MAN2A1: variants seen among roughly 807,000 people sequenced by gnomAD.
The protein encoded by MAN2A1 is alpha-mannosidase 2.
A neutral mutation model predicts 142.6 loss-of-function variants in MAN2A1; 76 were observed. That is an observed-to-expected ratio of 0.53 (90% confidence interval 0.44 to 0.65). The LOEUF (loss-of-function observed/expected upper bound fraction) is 0.65, where lower values mean the gene tolerates loss of function less well. Among genes scored for constraint, MAN2A1 ranks in the 30% least tolerant of loss-of-function variants. The pLI, the probability that MAN2A1 is intolerant of heterozygous loss-of-function variation, is 0.00. For synonymous variants in MAN2A1, 559 were observed against 473.2 expected (o/e 1.18, Z -2.35); for missense variants, 1,311 against 1,365.1 (o/e 0.96, Z 0.62).
intron 5 of MAN2A1, among the ~76,000 whole-genome samples, chr5:109,765,487 T>C (rs1197293104): frequency 1.3e-5 from 2 of 152,180 alleles, no homozygotes; most frequent in African/African-American, 4.8e-5. Context: ...GTCCTAGTAC[T>C]GGTAATACTG....
intron 3 of MAN2A1, among the ~76,000 whole-genome samples, chr5:109,721,508 A>G (rs1363736066): frequency 6.6e-6 from 1 of 152,148 alleles, no homozygotes; most frequent in Non-Finnish European, 1.5e-5. Context: ...GCATGCTTAT[A>G]CTAAACATTT....
chr5:109,747,340 T>G (rs530329003), intron 4 of MAN2A1, among the ~76,000 whole-genome samples: 3 of 152,302 alleles, frequency 2.0e-5, no homozygotes, highest in Admixed American at 2.0e-4. Context: ...GCTTCTTGTA[T>G]TTTTGTTATA....
chr5:109,843,825 T>A (rs1323458427), intron 17 of MAN2A1, among the ~76,000 whole-genome samples: 1 of 152,204 alleles, frequency 6.6e-6, no homozygotes, highest in Non-Finnish European at 1.5e-5. Flanking sequence ...AACATATCTT[T>A]GAAATACCAT....
intron 19 of MAN2A1, among the ~76,000 whole-genome samples, chr5:109,851,094 A>C (rs1321669788): frequency 1.3e-5 from 2 of 152,184 alleles, no homozygotes; most frequent in Non-Finnish European, 2.9e-5. Context: ...GGAAGCCCTG[A>C]GCATGACAGA....
intron 1 of MAN2A1, among the ~76,000 whole-genome samples, chr5:109,707,104 G>A (rs888309771): frequency 6.6e-6 from 1 of 152,130 alleles, no homozygotes; most frequent in Non-Finnish European, 1.5e-5. Context: ...TAGAAAGGGA[G>A]CCACATATTG....
chr5:109,714,434 A>G (rs1360269385), intron 2 of MAN2A1, among the ~76,000 whole-genome samples: 1 of 152,208 alleles, frequency 6.6e-6, no homozygotes, highest in African/African-American at 2.4e-5. Flanking sequence ...GAAATTTTAA[A>G]ATTAATTTCA....
At chr5:109,825,941 C>G (rs1425261099) in intron 16 of MAN2A1, among the ~76,000 whole-genome samples, 1 of 113,814 alleles carries the variant, frequency 8.8e-6, no homozygotes, top group Non-Finnish European at 1.7e-5. Flanking sequence ...GAGTCTCGCT[C>G]TATCGCCCAG....
intron 6 of MAN2A1, among the ~76,000 whole-genome samples, chr5:109,768,579 T>C (rs957658345): frequency 9.8e-5 from 15 of 152,310 alleles, no homozygotes; most frequent in African/African-American, 3.6e-4. Context: ...AAATATTTTG[T>C]TTATAAAACA....
At chr5:109,760,884 T>C (rs946550404) in intron 5 of MAN2A1, among the ~76,000 whole-genome samples, 20 of 152,222 alleles carry the variant, frequency 1.3e-4, no homozygotes, top group African/African-American at 4.8e-4. Context: ...TTATTAGTCT[T>C]ACTAGCTATA....
intron 2 of MAN2A1, among the ~76,000 whole-genome samples, chr5:109,714,533 A>G (rs933534454): frequency 6.6e-6 from 1 of 152,276 alleles, no homozygotes; most frequent in Admixed American, 6.5e-5. Context: ...GGAGTCGAAA[A>G]CCAGCATTGG....
At position 109,842,431 on chromosome 5, in the gene MAN2A1, T is replaced by C. The variant is rs1755231424; in HGVS notation, c.2670T>C (p.Asn890=). ...TTTCTTCTGATATAAAAAGCCAAAA[T>C]AGATTTTATACTGACCTAAATGGGT... ...MKISSDIKSQ[N]RFYTDLNGYQ... is the part of the protein sequence containing the mutation. The change falls in exon 17 of 22, where the codon AAT becomes AAC. Residue 890 remains asparagine, a synonymous_variant. Transcript: ENST00000261483. The C allele has an allele frequency of 6.3e-7, 1 of 1,580,664 alleles. No homozygotes were observed. The highest frequency in any genetic ancestry group is 2.2e-5 in the East Asian group (1 of 44,518).
chr5:109,706,893 C>G (rs893445257), intron 1 of MAN2A1, among the ~76,000 whole-genome samples: 1 of 152,072 alleles, frequency 6.6e-6, no homozygotes, highest in African/African-American at 2.4e-5. Context: ...GCTCTTATAA[C>G]TAGAAACTTG....
At chr5:109,829,841 T>G (rs1196203250) in intron 16 of MAN2A1, among the ~76,000 whole-genome samples, 1 of 152,230 alleles carries the variant, frequency 6.6e-6, no homozygotes, top group East Asian at 1.9e-4. Context: ...AGGAGCAAAC[T>G]TAATTTTTTT....
intron 4 of MAN2A1, among the ~76,000 whole-genome samples, chr5:109,741,447 A>G (rs1018292177): frequency 3.3e-5 from 5 of 152,214 alleles, no homozygotes; most frequent in Non-Finnish European, 5.9e-5. Context: ...CTGAGCTTGT[A>G]CTAAGTGGCA....
At chr5:109,761,654 TA>T (rs1480794737) in intron 5 of MAN2A1, among the ~76,000 whole-genome samples, 1 of 152,114 alleles carries the variant, frequency 6.6e-6, no homozygotes, top group Non-Finnish European at 1.5e-5. Flanking sequence ...ACTACATTTG[TA>T]TTTTTTTTAT....
chr5:109,789,311 C>T, intron 11 of MAN2A1, 149 bp from the exon 12 acceptor site: 2 of 545,354 alleles, frequency 3.7e-6, no homozygotes, highest in East Asian at 6.2e-5. Context: ...AGTTGTTTTG[C>T]TTGGCTTTAA....
chr5:109,722,266 T>G (rs185869107), intron 3 of MAN2A1, among the ~76,000 whole-genome samples: 1 of 152,326 alleles, frequency 6.6e-6, no homozygotes, highest in East Asian at 1.9e-4. Flanking sequence ...TCTCCTATCC[T>G]TCTTTTCCTT....
intron 20 of MAN2A1, among the ~76,000 whole-genome samples, chr5:109,858,101 A>G (rs2112776486): frequency 6.6e-6 from 1 of 152,340 alleles, no homozygotes; most frequent in Middle Eastern, 3.4e-3. Flanking sequence ...TTAACAACAT[A>G]AAGATTTGAC....
rs760848884 is a variant in MAN2A1 at position 109,782,766 on chromosome 5, T to TA, written c.1577+1174dup. Among the ~76,000 whole-genome samples the TA allele has an allele frequency of 4.8e-4, 73 of 152,232 alleles. 1 individual carries two copies. Among genetic ancestry groups the TA allele is most frequent in the Middle Eastern group, 3.4e-3 (1 of 294 alleles). ...AATATGCCAGAAAAATGTCTCATTT[T>TA]AAAAAATTATTTTCATTATTATAGA... On this transcript the variant is annotated intron_variant, in intron 9 of 21. Coordinates refer to ENST00000261483, the MANE Select transcript of MAN2A1 (RefSeq NM_002372.4).
Sources: gnomAD v4.1 joint callset for allele counts (sites outside exome capture counted in the v4.1 genomes callset) on GRCh38, gnomAD v4.1.1 for gene constraint, MANE v1.5 for transcripts, NCBI Gene and HGNC (gene_info 2026-07-23, HGNC 2026-07-21) for gene names.